The following DPP6 variants were observed in gnomAD, a reference collection of about 807,000 sequenced individuals.
DPP6 encodes the protein A-type potassium channel modulatory protein DPP6.
DPP6 carries 69 observed loss-of-function variants against 122.6 expected under a neutral mutation model. The ratio of observed to expected loss-of-function variants is 0.56; its 90% CI spans 0.46 to 0.69. The LOEUF is 0.69. Ranked by LOEUF, DPP6 falls within the 30% of genes least tolerant of loss-of-function variation. DPP6 has a pLI of 0.00. For missense variants in DPP6, 928 were observed against 1,116.9 expected (o/e 0.83, Z 2.41); for synonymous variants, 418 against 433.1 (o/e 0.97, Z 0.43).
chr7:153,801,252 A>C, the DPP6 span, among the ~76,000 whole-genome samples: 5 of 144,078 alleles, frequency 3.5e-5, no homozygotes, highest in Non-Finnish European at 7.5e-5. Context: ...TTTCAACACC[A>C]AAGAAATGTA....
At chr7:154,788,443 CAA>C (rs11364637) in intron 10 of DPP6, among the ~76,000 whole-genome samples, 144 of 112,000 alleles carry the variant, frequency 1.3e-3, no homozygotes, top group African/African-American at 3.1e-3. Context: ...GACTCTGCCT[CAA>C]AAAAAAAAAA....
chr7:154,590,644 C>G (rs1175046252), intron 5 of DPP6, among the ~76,000 whole-genome samples: 1 of 149,436 alleles, frequency 6.7e-6, no homozygotes, highest in South Asian at 2.2e-4. Flanking sequence ...AAACAATTCT[C>G]CTGCCTCAGC....
At chr7:154,641,078 A>T (rs1836056156) in intron 6 of DPP6, among the ~76,000 whole-genome samples, 1 of 152,072 alleles carries the variant, frequency 6.6e-6, no homozygotes, top group African/African-American at 2.4e-5. Context: ...TTCAGGACGG[A>T]CTACCCCTTT....
intron 6 of DPP6, among the ~76,000 whole-genome samples, chr7:154,655,756 G>T (rs575531615): frequency 1.3e-5 from 2 of 152,196 alleles, no homozygotes; most frequent in Non-Finnish European, 2.9e-5. Flanking sequence ...GCAGGAAGCC[G>T]GCTCAGGCCA....
intron 1 of DPP6, among the ~76,000 whole-genome samples, chr7:154,203,113 A>T (rs1199760076): frequency 6.6e-6 from 1 of 152,176 alleles, no homozygotes; most frequent in African/African-American, 2.4e-5. Flanking sequence ...GAAAATGGGG[A>T]TAATAAAAAT....
At chr7:154,712,167 A>G (rs1452038756) in intron 7 of DPP6, among the ~76,000 whole-genome samples, 1 of 152,214 alleles carries the variant, frequency 6.6e-6, no homozygotes, top group African/African-American at 2.4e-5. Flanking sequence ...ATACATGGAA[A>G]AGAATAGCAA....
intron 8 of DPP6, among the ~76,000 whole-genome samples, chr7:154,759,491 C>G (rs898515441): frequency 2.0e-5 from 3 of 152,232 alleles, no homozygotes; most frequent in Non-Finnish European, 2.9e-5. Flanking sequence ...GCTGGACTCT[C>G]GAGGCCAGGC....
chr7:154,356,587 A>C (rs1322301942), intron 1 of DPP6, among the ~76,000 whole-genome samples: 1 of 152,150 alleles, frequency 6.6e-6, no homozygotes, highest in African/African-American at 2.4e-5. Flanking sequence ...CCACCAAAAA[A>C]AAAATTCTAA....
chr7:154,401,594 A>C (rs56337227), intron 1 of DPP6, among the ~76,000 whole-genome samples: 2 of 152,170 alleles, frequency 1.3e-5, no homozygotes, highest in Non-Finnish European at 2.9e-5. Flanking sequence ...ACAAAAATCA[A>C]TTCAAGATGG....
chr7:153,819,688 TAAG>T, the DPP6 span, among the ~76,000 whole-genome samples: 11 of 152,336 alleles, frequency 7.2e-5, no homozygotes, highest in African/African-American at 2.4e-4. Flanking sequence ...ATTTCATTTA[TAAG>T]GAGGACGGAT....
chr7:154,195,087 T>G (rs1423544055), intron 1 of DPP6, among the ~76,000 whole-genome samples: 2 of 152,216 alleles, frequency 1.3e-5, no homozygotes, highest in Non-Finnish European at 2.9e-5. Flanking sequence ...CAAGGTTCTC[T>G]TCTATCTTTT....
intron 1 of DPP6, among the ~76,000 whole-genome samples, chr7:154,424,098 A>G (rs959921912): frequency 2.0e-5 from 3 of 152,196 alleles, no homozygotes; most frequent in Non-Finnish European, 4.4e-5. Context: ...TTTGCACGCC[A>G]TTAGAGAGAT....
chr7:154,060,101 C>G (rs1167891966), intron 1 of DPP6, among the ~76,000 whole-genome samples: 2 of 139,576 alleles, frequency 1.4e-5, no homozygotes, highest in Non-Finnish European at 3.2e-5. Context: ...GGGGGGGAGG[C>G]AATCCTCCCG....
chr7:154,410,795 T>C lies in DPP6; in HGVS notation c.244-35419T>C, dbSNP rs1164703758. ...CCTTTTAAAGAATTAAATTTGGTGT[T>C]TTCCCTTAGAGCTTGATTGATTTGC... On this transcript the variant is annotated intron_variant, in intron 1 of 25. Coordinates refer to ENST00000377770, the MANE Select transcript of DPP6 (RefSeq NM_130797.4). Among the ~76,000 whole-genome samples, 6 of 152,368 alleles carry C rather than the reference T, an allele frequency of 3.9e-5. No individual in the cohort carries two copies. The East Asian group carries it at 9.6e-4, about 24-fold the overall frequency.
intron 1 of DPP6, among the ~76,000 whole-genome samples, chr7:154,242,152 G>A (rs528510287): frequency 1.1e-4 from 17 of 152,246 alleles, no homozygotes; most frequent in South Asian, 8.3e-4. Flanking sequence ...GCATACCCCC[G>A]ACTGGCACCT....
At chr7:153,913,038 A>G (rs1800155456) in intron 1 of DPP6, among the ~76,000 whole-genome samples, 1 of 152,242 alleles carries the variant, frequency 6.6e-6, no homozygotes, top group East Asian at 1.9e-4. Flanking sequence ...CTGTGTGTAA[A>G]GGTTTTTATG....
intron 1 of DPP6, among the ~76,000 whole-genome samples, chr7:153,940,299 A>G (rs1246680555): frequency 1.3e-5 from 2 of 152,302 alleles, no homozygotes; most frequent in Non-Finnish European, 2.9e-5. Flanking sequence ...TGGAGTTCCC[A>G]TATATGAACC....
At chr7:154,566,630 A>G (rs934320395) in intron 4 of DPP6, among the ~76,000 whole-genome samples, 2 of 152,168 alleles carry the variant, frequency 1.3e-5, no homozygotes, top group East Asian at 1.9e-4. Context: ...AGTAAGTCCA[A>G]TAAGTATGTT....
chr7:153,824,232 C>T, the DPP6 span, among the ~76,000 whole-genome samples: 62 of 151,582 alleles, frequency 4.1e-4, no homozygotes, highest in Admixed American at 1.4e-3. Context: ...CTACTAAATA[C>T]GCAAAAATTA....
Sources: gnomAD v4.1 joint callset for allele counts (sites outside exome capture counted in the v4.1 genomes callset) on GRCh38, gnomAD v4.1.1 for gene constraint, MANE v1.5 for transcripts, NCBI Gene and HGNC (gene_info 2026-07-23, HGNC 2026-07-21) for gene names.